RELN: variants seen among roughly 807,000 people sequenced by gnomAD.
RELN encodes the protein reelin.
RELN carries 108 observed loss-of-function variants against 427.6 expected under a neutral mutation model. The observed-to-expected ratio is 0.25, with a 90% CI of 0.22 to 0.30. The LOEUF is 0.30. Among genes scored for constraint, RELN ranks in the 10% least tolerant of loss-of-function variants. The pLI, the probability that RELN is intolerant of heterozygous loss-of-function variation, is 1.00. For missense variants in RELN, 3,715 were observed against 4,302.8 expected, an observed-to-expected ratio of 0.86 and a Z score of 3.82; for synonymous variants, 1,524 against 1,513.4, an observed-to-expected ratio of 1.01 and a Z score of -0.16.
chr7:103,519,825 C>T (rs1159747734), intron 48 of RELN, among the ~76,000 whole-genome samples: 2 of 152,058 alleles, frequency 1.3e-5, no homozygotes, highest in African/African-American at 2.4e-5. Flanking sequence ...CTGCCTGCCT[C>T]GGCCTCCCAA....
intron 3 of RELN, among the ~76,000 whole-genome samples, chr7:103,811,108 GTTA>G (rs914624304): frequency 1.2e-4 from 18 of 152,078 alleles, no homozygotes; most frequent in Non-Finnish European, 1.9e-4. Context: ...TTTAAAAATA[GTTA>G]TTATTGATTC....
At chr7:103,912,786 G>T (rs928357458) in intron 2 of RELN, among the ~76,000 whole-genome samples, 2 of 152,000 alleles carry the variant, frequency 1.3e-5, no homozygotes, top group African/African-American at 4.8e-5. Context: ...TTGAGTAAAT[G>T]CATTTCAGCC....
chr7:103,495,313 G>T (rs1176000038), intron 57 of RELN, among the ~76,000 whole-genome samples: 2 of 151,136 alleles, frequency 1.3e-5, no homozygotes, highest in African/African-American at 4.9e-5. Flanking sequence ...GCACTACCAC[G>T]ACTGGCTTTT....
chr7:103,581,210 G>C (rs1043586044), intron 28 of RELN, among the ~76,000 whole-genome samples: 4 of 152,116 alleles, frequency 2.6e-5, no homozygotes, highest in African/African-American at 9.7e-5. Flanking sequence ...CCTGGACATC[G>C]TTCTCAGAGG....
At chr7:103,905,227 C>G (rs1440852509) in intron 2 of RELN, among the ~76,000 whole-genome samples, 1 of 152,006 alleles carries the variant, frequency 6.6e-6, no homozygotes, top group African/African-American at 2.4e-5. Context: ...TTCCACCCAC[C>G]TCACCCTCCC....
At chr7:103,881,137 C>T (rs1292436585) in intron 2 of RELN, among the ~76,000 whole-genome samples, 1 of 152,092 alleles carries the variant, frequency 6.6e-6, no homozygotes, top group Non-Finnish European at 1.5e-5. Flanking sequence ...AATTCCCTAC[C>T]ACCTATTAAG....
chr7:103,924,829 A>G (rs1056896571), intron 1 of RELN, among the ~76,000 whole-genome samples: 4 of 152,120 alleles, frequency 2.6e-5, no homozygotes, highest in African/African-American at 9.7e-5. Context: ...TTATTATTTT[A>G]AAATTAAGCC....
chr7:103,768,459 G>T (rs1791481455), intron 4 of RELN, among the ~76,000 whole-genome samples: 1 of 152,132 alleles, frequency 6.6e-6, no homozygotes, highest in Non-Finnish European at 1.5e-5. Flanking sequence ...TCAAAAATTT[G>T]TAATATGCTG....
At chr7:103,810,595 A>T (rs1362264512) in intron 3 of RELN, among the ~76,000 whole-genome samples, 2 of 152,198 alleles carry the variant, frequency 1.3e-5, no homozygotes, top group Non-Finnish European at 2.9e-5. Flanking sequence ...CCAACCTGGC[A>T]ATCTCGCTAT....
At chr7:103,489,500 A>G (rs974625912) in intron 60 of RELN, among the ~76,000 whole-genome samples, 40 of 152,196 alleles carry the variant, frequency 2.6e-4, no homozygotes, top group African/African-American at 9.7e-4. Flanking sequence ...ATGCTTATAT[A>G]TTTATAGAAT....
intron 8 of RELN, among the ~76,000 whole-genome samples, chr7:103,721,703 CTT>C (rs1040817448): frequency 6.6e-6 from 1 of 152,102 alleles, no homozygotes; most frequent in African/African-American, 2.4e-5. Flanking sequence ...AATTGATTCT[CTT>C]GTGTTCTTTA....
chr7:103,728,348 G>A, intron 6 of RELN, 141 bp from the exon 7 acceptor site: 1 of 804,280 alleles, frequency 1.2e-6, no homozygotes, highest in South Asian at 1.5e-5. Flanking sequence ...TTTGCATCAT[G>A]ATAAGGTTAA....
rs779797168 is a variant in RELN at position 103,574,096 on chromosome 7, T to A, written c.4507A>T (p.Ile1503Phe). ...ARTVPLDTRN[I>F]RLVQFYIQIG... ...ATACCAGTTAATACTTGTTACCTGATATTCCTGGTGTCCAGAGGGACCGTC... is the reference window on the plus strand; with the variant it reads ...ATACCAGTTAATACTTGTTACCTGAAATTCCTGGTGTCCAGAGGGACCGTC... Residue 1503 changes from isoleucine (I) to phenylalanine (F), a missense_variant, in exon 30 of 65, where the codon ATC becomes TTC. Around this residue, in one of 4 missense-constraint regions of RELN, gnomAD observed 2,208 missense variants for 2,361.7 expected, o/e 0.93. Transcript: ENST00000428762. The A allele has an allele frequency of 4.3e-6, 7 of 1,611,804 alleles. No homozygotes were observed. In the South Asian group the frequency reaches 7.7e-5, roughly 18 times the overall value.
chr7:103,514,098 T>C (rs1395706468), intron 50 of RELN: 1 of 152,188 alleles, frequency 6.6e-6, no homozygotes, highest in Admixed American at 6.5e-5. Flanking sequence ...AGACTGTCTT[T>C]TCCATGCAAG....
chr7:103,556,191 A>G (rs1224339156), intron 38 of RELN, among the ~76,000 whole-genome samples: 2 of 152,174 alleles, frequency 1.3e-5, no homozygotes, highest in African/African-American at 4.8e-5. Context: ...GCTTGGTCTA[A>G]GTCCCTCTCA....
chr7:103,718,332 CAAA>C (rs11300111), intron 8 of RELN, among the ~76,000 whole-genome samples: 18,476 of 130,950 alleles, frequency 0.14, 1,375 homozygotes, highest in East Asian at 0.31. Flanking sequence ...AACAAAGCAG[CAAA>C]AAAAAAAAAA....
intron 43 of RELN, among the ~76,000 whole-genome samples, chr7:103,541,212 G>A (rs1173416001): frequency 6.6e-6 from 1 of 152,150 alleles, no homozygotes; most frequent in Admixed American, 6.5e-5. Flanking sequence ...GGACAGAGTG[G>A]CAGCAACCAG....
At chr7:103,675,048 AG>A (rs1320880943) in intron 11 of RELN, among the ~76,000 whole-genome samples, 3 of 152,202 alleles carry the variant, frequency 2.0e-5, no homozygotes, top group Admixed American at 2.0e-4. Context: ...GCAATTAGGC[AG>A]GAGAAAGAAA....
chr7:103,872,898 T>C (rs939309983), intron 2 of RELN, among the ~76,000 whole-genome samples: 23 of 151,758 alleles, frequency 1.5e-4, no homozygotes, highest in African/African-American at 5.5e-4. Context: ...TTCGCCCACT[T>C]TTTGATGGGG....
Sources: allele counts gnomAD v4.1 joint callset (sites outside exome capture counted in the v4.1 genomes callset), GRCh38; gene constraint gnomAD v4.1.1; regional missense constraint gnomAD v4.1.1; transcripts MANE v1.5; gene names NCBI Gene and HGNC (gene_info 2026-07-23, HGNC 2026-07-21).